CUX1: variants seen among roughly 807,000 people sequenced by gnomAD.
CUX1 encodes protein CASP.
A neutral mutation model predicts 158.8 loss-of-function variants in CUX1; 31 were observed. That is an observed-to-expected ratio of 0.20 (90% CI 0.15 to 0.26). The LOEUF (loss-of-function observed/expected upper bound fraction) is 0.26, where lower values mean the gene tolerates loss of function less well. Ranked by LOEUF, CUX1 falls within the 10% of genes least tolerant of loss-of-function variation. The pLI is 1.00. For synonymous variants in CUX1, 879 were observed against 862.1 expected (o/e 1.02, Z -0.34); for missense variants, 1,589 against 2,014.6 (o/e 0.79, Z 4.04).
rs781863109 is a variant in CUX1 at position 102,196,937 on chromosome 7, C to T, written c.1526C>T (p.Thr509Ile). 1.2e-6 allele frequency: 2 copies of T among 1,614,206 alleles called. No individual in the cohort carries two copies. The highest frequency in any genetic ancestry group is 2.2e-5 in the East Asian group (1 of 44,882). The change falls in exon 15 of 24, where the codon ACA (threonine) becomes ATA (isoleucine). Residue 509 changes from threonine (T) to isoleucine (I), a missense_variant. Physicochemically the swap from Thr to Ile is moderately conservative, Grantham distance 89. Coordinates refer to ENST00000292535, the MANE Select transcript of CUX1 (RefSeq NM_181552.4). ...GGAAGCACAAGCATGATTTTTTCAACAGGTCCATACAGCACAAACTCCATA... is the reference window on the plus strand; with the variant it reads ...GGAAGCACAAGCATGATTTTTTCAATAGGTCCATACAGCACAAACTCCATA... The part of the protein sequence containing the change: ...EAGSTSMIFS[T>I]GPYSTNSISS...
intron 1 of CUX1, among the ~76,000 whole-genome samples, chr7:101,870,694 T>G (rs1055206523): frequency 2.6e-5 from 4 of 152,212 alleles, no homozygotes; most frequent in African/African-American, 7.2e-5. Flanking sequence ...TAGCTCGATG[T>G]GGATTACAGA....
chr7:102,169,716 G>A (rs537703258), intron 9 of CUX1, among the ~76,000 whole-genome samples: 2 of 152,324 alleles, frequency 1.3e-5, no homozygotes, highest in South Asian at 4.1e-4. Context: ...GTCATCCAGT[G>A]GGAAATCCCC....
intron 20 of CUX1, among the ~76,000 whole-genome samples, chr7:102,222,341 G>A (rs1327408518): frequency 6.6e-6 from 1 of 152,140 alleles, no homozygotes; most frequent in Admixed American, 6.6e-5. Flanking sequence ...TCAGAATCAC[G>A]TGGTGTTGGC....
intron 2 of CUX1, among the ~76,000 whole-genome samples, chr7:101,943,964 TAAAA>T (rs5886208): frequency 1.4e-5 from 2 of 138,250 alleles, no homozygotes; most frequent in Non-Finnish European, 3.1e-5. Flanking sequence ...ATTTAAAAAT[TAAAA>T]AAAAAAAAAA....
chr7:102,206,569 C>G (rs1338405677), intron 20 of CUX1, among the ~76,000 whole-genome samples: 1 of 152,116 alleles, frequency 6.6e-6, no homozygotes, highest in African/African-American at 2.4e-5. Context: ...CAGGACTGAA[C>G]TTGGCAGAAA....
intron 2 of CUX1, among the ~76,000 whole-genome samples, chr7:102,010,771 T>C (rs1001386917): frequency 6.6e-5 from 10 of 152,230 alleles, no homozygotes; most frequent in African/African-American, 2.4e-4. Context: ...AGATGCCGGT[T>C]GTGCTTTGTG....
At position 101,866,948 on chromosome 7, in the gene CUX1, T is replaced by C. The variant is rs915811317; in HGVS notation, c.31-49167T>C. Among the ~76,000 whole-genome samples, 40 of 152,328 alleles carry C rather than the reference T, an allele frequency of 2.6e-4. 1 individual carries two copies. The highest frequency in any genetic ancestry group is 3.9e-4 in the Admixed American group (6 of 15,292). The stretch of plus-strand genomic sequence containing the variant: ...TAAAAGTTGTATTTGGGGCTGGGCA[T>C]GGTGGCTCACGCCTGTAATCCCTGC... On this transcript the variant is annotated intron_variant, in intron 1 of 23. Coordinates refer to ENST00000292535, the MANE Select transcript of CUX1 (RefSeq NM_181552.4).
At chr7:102,180,978 G>A (rs1407635287) in intron 11 of CUX1, among the ~76,000 whole-genome samples, 1 of 150,192 alleles carries the variant, frequency 6.7e-6, no homozygotes, top group Non-Finnish European at 1.5e-5. Context: ...ATTTCGTTCT[G>A]TTGCCCAGGC....
At chr7:101,919,607 C>T (rs2129092740) in intron 2 of CUX1, among the ~76,000 whole-genome samples, 1 of 152,274 alleles carries the variant, frequency 6.6e-6, no homozygotes, top group African/African-American at 2.4e-5. Context: ...GGGTGTTGAT[C>T]TTGATGGAAA....
At chr7:101,945,503 G>A (rs1448014439) in intron 2 of CUX1, among the ~76,000 whole-genome samples, 1 of 152,218 alleles carries the variant, frequency 6.6e-6, no homozygotes, top group African/African-American at 2.4e-5. Flanking sequence ...TGTGTATCGA[G>A]TGTTCTCATT....
At chr7:102,002,971 G>A (rs1319946445) in intron 2 of CUX1, among the ~76,000 whole-genome samples, 2 of 151,656 alleles carry the variant, frequency 1.3e-5, no homozygotes, top group Admixed American at 6.6e-5. Flanking sequence ...GCACAATCTC[G>A]GCTCACTGCA....
intron 14 of CUX1, among the ~76,000 whole-genome samples, chr7:102,265,574 A>G (rs1790741714): frequency 6.6e-6 from 1 of 151,952 alleles, no homozygotes; most frequent in African/African-American, 2.4e-5. Context: ...AGTAGCAGGG[A>G]CAGGCGTGCA....
chr7:101,886,501 G>A (rs146700706), intron 1 of CUX1, among the ~76,000 whole-genome samples: 8 of 152,184 alleles, frequency 5.3e-5, no homozygotes, highest in Middle Eastern at 3.4e-3. Flanking sequence ...ATGCTCGGCC[G>A]GCACCCACCT....
chr7:102,139,912 T>A (rs1834272504), intron 8 of CUX1, among the ~76,000 whole-genome samples: 1 of 151,936 alleles, frequency 6.6e-6, no homozygotes, highest in Non-Finnish European at 1.5e-5. Flanking sequence ...CCAGCAGTCC[T>A]CCCACCTGAG....
At chr7:102,144,955 G>A (rs1554501597) in intron 8 of CUX1, among the ~76,000 whole-genome samples, 1 of 151,356 alleles carries the variant, frequency 6.6e-6, no homozygotes, top group African/African-American at 2.4e-5. Flanking sequence ...GGGTGTGGTG[G>A]CACACACCTG....
At chr7:102,213,854 C>A (rs1448971359) in intron 20 of CUX1, among the ~76,000 whole-genome samples, 1 of 152,082 alleles carries the variant, frequency 6.6e-6, no homozygotes, top group Non-Finnish European at 1.5e-5. Context: ...TAAGTGAGGC[C>A]GGGCTCAGTG....
At chr7:102,017,290 C>CAA (rs10629776) in intron 2 of CUX1, among the ~76,000 whole-genome samples, 83,264 of 131,138 alleles carry the variant, frequency 0.63, 25,747 homozygotes, top group Non-Finnish European at 0.66. Context: ...GACTCCATCT[C>CAA]AAAAAAAAAA....
At chr7:102,121,896 G>A (rs369113290) in intron 8 of CUX1, among the ~76,000 whole-genome samples, 4 of 152,110 alleles carry the variant, frequency 2.6e-5, no homozygotes, top group Admixed American at 1.3e-4. Context: ...CAGCAAAGGT[G>A]AGGGCTAGTC....
intron 11 of CUX1, among the ~76,000 whole-genome samples, chr7:102,188,986 C>T (rs1793965447): frequency 6.6e-6 from 1 of 152,118 alleles, no homozygotes; most frequent in African/African-American, 2.4e-5. Flanking sequence ...GGTCAGGGCC[C>T]TCCCCGCAGG....
Sources: gnomAD v4.1 joint callset for allele counts (sites outside exome capture counted in the v4.1 genomes callset) on GRCh38, gnomAD v4.1.1 for gene constraint, MANE v1.5 for transcripts, NCBI Gene and HGNC (gene_info 2026-07-23, HGNC 2026-07-21) for gene names.